The following KANK2 variants were observed in gnomAD, a reference collection of about 807,000 sequenced individuals.
KANK2 encodes KN motif and ankyrin repeat domains 2.
In KANK2, 41 loss-of-function variants were observed where a neutral mutation model predicts 74.6. That is an observed-to-expected ratio of 0.55 (90% CI 0.43 to 0.71). The LOEUF is 0.71. Among genes scored for constraint, KANK2 ranks in the 30% least tolerant of loss-of-function variants. The pLI, the probability that KANK2 is intolerant of heterozygous loss-of-function variation, is 0.00. For synonymous variants in KANK2, 537 were observed against 519.0 expected, an observed-to-expected ratio of 1.03 and a Z score of -0.47; for missense variants, 1,148 against 1,196.4, an observed-to-expected ratio of 0.96 and a Z score of 0.60.
rs147591119 is a variant in KANK2, at chr19:11,174,614, G to A, written c.1927C>T (p.Arg643Trp). ...ATGGCCCGGAACGTGACCAGGTGCC[G>A]CCGCACCAGCTCGGGGTGTGCGTCG... is the stretch of plus-strand genomic sequence containing the variant. ...RSDAHPELVR[R>W]HLVTFRAMSA... Residue 643 changes from arginine to tryptophan, a missense_variant, in exon 9 of 13, where the codon CGG becomes TGG. By Grantham distance (101) the Arg-to-Trp change is moderately radical. Coordinates refer to ENST00000586659, the MANE Select transcript of KANK2 (RefSeq NM_001136191.3). 22 of 1,612,472 alleles carry A rather than the reference G, an allele frequency of 1.4e-5. No individual in the cohort carries two copies. Among genetic ancestry groups the A allele is most frequent in the South Asian group, 2.2e-5 (2 of 90,960 alleles).
chr19:11,178,580 G>A lies in KANK2; in HGVS notation c.1390C>T (p.Gln464Ter). ...GTGCCCCCGGCCTCCTCGGACTCTT[G>A]GGAGGCTGCTTGCCTGGTGGGCTCC... ...HREPTRQAAS[Q>*]ESEEAGGTGG... The change falls in exon 5 of 13, where the codon CAA (glutamine) becomes TAA (stop). Residue 464 changes from glutamine (Q) to a stop codon, truncating the protein, a stop_gained. Coordinates refer to ENST00000586659, the MANE Select transcript of KANK2 (RefSeq NM_001136191.3). LOFTEE classifies it high-confidence loss of function. 1.2e-6 allele frequency: 2 copies of A among 1,604,910 alleles called. No homozygotes were observed. The highest frequency in any genetic ancestry group is 1.1e-5 in the South Asian group (1 of 89,926).
In KANK2 at chr19:11,167,224, C is replaced by A. The variant is rs976805002; in HGVS notation, c.2503-613G>T. ...GGGATTACAGGCAGGCGCCACCACGCCCGGCTAATTTTGCGTTTTTAGTAG... is the reference window on the plus strand; with the variant it reads ...GGGATTACAGGCAGGCGCCACCACGACCGGCTAATTTTGCGTTTTTAGTAG... On this transcript the variant is annotated intron_variant, in intron 12 of 12. Coordinates refer to ENST00000586659, the MANE Select transcript of KANK2 (RefSeq NM_001136191.3). Among the ~76,000 whole-genome samples the A allele has an allele frequency of 2.0e-5, 3 of 152,148 alleles. No individual in the cohort carries two copies. In the South Asian group the frequency reaches 6.2e-4, roughly 32 times the overall value.
intron 8 of KANK2, among the ~76,000 whole-genome samples, chr19:11,175,554 A>G (rs2078313214): frequency 6.6e-6 from 1 of 151,152 alleles, no homozygotes; most frequent in South Asian, 2.1e-4. Context: ...CCAAAGCACC[A>G]GGATGACAGG....
chr19:11,193,279 C>G lies in KANK2; in HGVS notation c.801G>C (p.Val267=). The change falls in exon 4 of 13, where the codon GTG becomes GTC. Residue 267 remains valine, a synonymous_variant. Transcript: ENST00000586659. The surrounding 1 kb of genome is among the most constrained non-coding windows in gnomAD (Gnocchi z 9.6). ...EDPVALETRS[V]GTWVRERDLG... is the part of the protein sequence containing the mutation. Reference sequence around the variant, plus strand: ...AGTCCCGTTCTCGAACCCAGGTGCCCACACTCCGGGTCTCCAGTGCCACTG... The same window carrying G: ...AGTCCCGTTCTCGAACCCAGGTGCCGACACTCCGGGTCTCCAGTGCCACTG... 6.2e-7 allele frequency: 1 copy of G among 1,611,426 alleles called. No individual in the cohort carries two copies. The highest frequency in any genetic ancestry group is 2.2e-5 in the East Asian group (1 of 44,866).
At position 11,174,447 on chromosome 19, in the gene KANK2, C is replaced by T. The variant is rs370587375; in HGVS notation, c.2068+26G>A. On this transcript the variant is annotated intron_variant, in intron 9 of 12. Transcript: ENST00000586659. ...GGCGGACAGCTGGCTGGTTTAGAGC[C>T]GCCTCGTCCTCCCCGCTGGGCTCAC... 1.1e-3 allele frequency: 1,724 copies of T among 1,566,328 alleles called. 5 individuals carry two copies. The highest frequency in any genetic ancestry group is 1.4e-3 in the Non-Finnish European group (1,572 of 1,152,908).
chr19:11,191,520 G>C (rs547730596), intron 4 of KANK2, among the ~76,000 whole-genome samples: 11 of 152,200 alleles, frequency 7.2e-5, no homozygotes, highest in African/African-American at 2.4e-4. Flanking sequence ...CCCTACCCCC[G>C]GCGTCCATGG....
intron 6 of KANK2, 86 bp from the exon 7 acceptor site, chr19:11,176,903 C>T (rs940018633): frequency 4.9e-6 from 7 of 1,419,990 alleles, no homozygotes; most frequent in South Asian, 1.5e-5. Flanking sequence ...GGTGATCTGA[C>T]CTCTGTGGGC....
chr19:11,193,109 G>A lies in KANK2; in HGVS notation c.971C>T (p.Pro324Leu), dbSNP rs113239163. Residue 324 changes from proline (P) to leucine (L), a missense_variant, in exon 4 of 13, where the codon CCG becomes CTG. Coordinates refer to ENST00000586659, the MANE Select transcript of KANK2 (RefSeq NM_001136191.3). This position sits in a 1 kb window ranked among gnomAD's most constrained non-coding sequence, Gnocchi z 9.6. ...QPQAWPPPDS[P>L]VRVDTVRVVE... ...CACCCGGACTGTATCCACGCGGACC[G>A]GGCTGTCCGGCGGTGGCCAGGCCTG... 8.2e-5 allele frequency: 132 copies of A among 1,606,002 alleles called. No individual in the cohort carries two copies. The Middle Eastern group carries it at 3.2e-3, about 38-fold the overall frequency.
At chr19:11,189,844 T>C (rs1316652208) in intron 4 of KANK2, among the ~76,000 whole-genome samples, 2 of 152,126 alleles carry the variant, frequency 1.3e-5, no homozygotes, top group East Asian at 1.9e-4. Flanking sequence ...GGAATGGTGG[T>C]TGCCTCTCAG....
Position 11,187,597 on chromosome 19 carries a change from G to T in KANK2, c.1249+5234C>A, listed in dbSNP as rs533325747. Among the ~76,000 whole-genome samples the T allele has an allele frequency of 6.6e-5, 10 of 152,202 alleles. No homozygotes were observed. In the South Asian group the frequency reaches 2.1e-3, roughly 32 times the overall value. On this transcript the variant is annotated intron_variant, in intron 4 of 12. Coordinates refer to ENST00000586659, the MANE Select transcript of KANK2 (RefSeq NM_001136191.3). ...TGGATGGGAAAGAAGAATTTAATTT[G>T]GGACTCATGAAAAGTATGTGAAATA...
rs765768443 is a variant in KANK2 at position 11,178,732 on chromosome 19, G to A, written c.1250-12C>T. On this transcript the variant is annotated splice_polypyrimidine_tract_variant and intron_variant, in intron 4 of 12. Transcript: ENST00000586659. Reference sequence around the variant, plus strand: ...AACTTCTGGGAGGCCTGGAGGGACAGGAAATGAGTGTCTGCTCTTGGTCAT... The same window carrying A: ...AACTTCTGGGAGGCCTGGAGGGACAAGAAATGAGTGTCTGCTCTTGGTCAT... 8 of 1,514,500 alleles carry A rather than the reference G, an allele frequency of 5.3e-6. No individual in the cohort carries two copies. In the African/African-American group the frequency reaches 1.1e-4, roughly 22 times the overall value. 93.8% of individuals were successfully genotyped at this position (1,514,500 alleles called of 1,614,324 possible). A position where few individuals can be genotyped will look rare whatever the true frequency, so the allele number is the denominator to read the frequency against.
At chr19:11,174,823 A>G in intron 8 of KANK2, 131 bp from the exon 9 acceptor site, 3 of 704,084 alleles carry the variant, frequency 4.3e-6, no homozygotes, top group Non-Finnish European at 4.9e-6. Flanking sequence ...GGAAGTGCAG[A>G]CCCTCCCAAA....
chr19:11,188,893 G>A (rs905368037), intron 4 of KANK2, among the ~76,000 whole-genome samples: 2 of 151,694 alleles, frequency 1.3e-5, no homozygotes. Flanking sequence ...TGGAGGCAAG[G>A]AGAATCGTTT....
chr19:11,171,683 ATT>A (rs1015878710), intron 10 of KANK2, among the ~76,000 whole-genome samples: 1 of 133,580 alleles, frequency 7.5e-6, no homozygotes, highest in Non-Finnish European at 1.6e-5. Context: ...CCTCACCTTA[ATT>A]TTTTTTTTTT....
At chr19:11,178,520 C>A in intron 5 of KANK2, 33 bp downstream of exon 5, 1 of 1,603,346 alleles carries the variant, frequency 6.2e-7, no homozygotes, top group Non-Finnish European at 8.5e-7. Flanking sequence ...CATCCCGGTG[C>A]CCCGTCCCTC....
In KANK2 at chr19:11,170,745, A is replaced by C. The variant is rs2078151154; in HGVS notation, c.2212-497T>G. ...AGCTGAGACTACAGGCATGCGCCAC[A>C]ATGCCTGGCTAATTTTTGTATCTTT... On this transcript the variant is annotated intron_variant, in intron 10 of 12. Transcript: ENST00000586659. The surrounding 1 kb of genome is among the most constrained non-coding windows in gnomAD (Gnocchi z 5.2). 6.6e-6 allele frequency among the ~76,000 whole-genome samples: 1 copy of C among 152,026 alleles called. No homozygotes were observed. The highest frequency in any genetic ancestry group is 1.5e-5 in the Non-Finnish European group (1 of 67,980).
chr19:11,185,876 A>G (rs2078660245), intron 4 of KANK2, among the ~76,000 whole-genome samples: 1 of 152,094 alleles, frequency 6.6e-6, no homozygotes, highest in African/African-American at 2.4e-5. Flanking sequence ...CCATCTCTAC[A>G]AAAAATTACC....
At chr19:11,178,196 TC>T (rs2078399807) in intron 6 of KANK2, 148 bp downstream of exon 6, 1 of 734,224 alleles carries the variant, frequency 1.4e-6, no homozygotes, top group East Asian at 3.4e-5. Context: ...TTCCTATGCC[TC>T]AGTTTCCTCA....
rs187265104 is a variant in KANK2, at chr19:11,169,979, C to T, written c.2413-13G>A. The T allele has an allele frequency of 1.3e-5, 21 of 1,613,936 alleles. No individual in the cohort carries two copies. The highest frequency in any genetic ancestry group is 4.0e-5 in the African/African-American group (3 of 75,060). The stretch of plus-strand genomic sequence containing the variant: ...CTGTGCTCCCATCCTGCAAAGTATC[C>T]GGTGCTATGAATGACGTCCCCATGC... On this transcript the variant is annotated splice_polypyrimidine_tract_variant and intron_variant, in intron 11 of 12. Transcript: ENST00000586659.
Sources: gnomAD v4.1 joint callset for allele counts (sites outside exome capture counted in the v4.1 genomes callset) on GRCh38, gnomAD v4.1.1 for gene constraint, Gnocchi (gnomAD v3.1) non-coding constraint, MANE v1.5 for transcripts, NCBI Gene and HGNC (gene_info 2026-07-23, HGNC 2026-07-21) for gene names.